Variants in SYNE1 observed in about 807,000 individuals in gnomAD.
SYNE1 encodes spectrin repeat containing nuclear envelope protein 1.
SYNE1 carries 616 observed loss-of-function variants against 1,111.0 expected under a neutral mutation model. The observed-to-expected ratio is 0.55, with a 90% CI of 0.52 to 0.59. The LOEUF (loss-of-function observed/expected upper bound fraction) is 0.59, where lower values mean the gene tolerates loss of function less well. SYNE1 is among the 20% of genes least tolerant of loss of function. The pLI, the probability that SYNE1 is intolerant of heterozygous loss-of-function variation, is 0.00. For synonymous variants in SYNE1, 3,855 were observed against 3,825.8 expected (o/e 1.01, Z -0.28); for missense variants, 10,006 against 10,417.0 (o/e 0.96, Z 1.72).
rs567073775 is a variant in SYNE1, at chr6:152,219,471, G to A, written c.21862-286C>T. ...GTTCATTACAGGACCTTGGGGAAAT[G>A]CAGAAAAACATACATAAACAAGAAA... On this transcript the variant is annotated intron_variant, in intron 119 of 145. Transcript: ENST00000367255. 5.1e-5 allele frequency among the ~76,000 whole-genome samples: 7 copies of A among 136,618 alleles called. No homozygotes were observed. In the East Asian group the frequency reaches 1.1e-3, roughly 22 times the overall value. The allele number at this position is 136,618 out of a possible 152,430, so 89.6% of individuals were successfully genotyped here.
rs572962498 is a variant in SYNE1, at chr6:152,373,483, T to C, written c.9325-264A>G. Among the ~76,000 whole-genome samples the C allele has an allele frequency of 4.6e-5, 7 of 152,274 alleles. No individual in the cohort carries two copies. The East Asian group carries it at 1.2e-3, about 25-fold the overall frequency. ...TTTTAGTAAAGACGGGGTTTCACCA[T>C]GTTGGCCAGGATGGTCTTGATCTCC... On this transcript the variant is annotated intron_variant, in intron 58 of 145. Coordinates refer to ENST00000367255, the MANE Select transcript of SYNE1 (RefSeq NM_182961.4).
At chr6:152,432,148 A>G (rs1044981543) in intron 34 of SYNE1, among the ~76,000 whole-genome samples, 1 of 152,150 alleles carries the variant, frequency 6.6e-6, no homozygotes, top group Non-Finnish European at 1.5e-5. Flanking sequence ...TGTTCTTATC[A>G]TTTATCAATT....
At chr6:152,327,746 T>A (rs1475975391) in intron 78 of SYNE1, among the ~76,000 whole-genome samples, 1 of 152,164 alleles carries the variant, frequency 6.6e-6, no homozygotes, top group Non-Finnish European at 1.5e-5. Context: ...AAGAGTTTGG[T>A]TCAAAACTCA....
intron 145 of SYNE1, 132 bp from the exon 146 acceptor site, chr6:152,122,808 C>T (rs774436127): frequency 2.1e-6 from 3 of 1,411,284 alleles, no homozygotes; most frequent in Non-Finnish European, 2.9e-6. Flanking sequence ...AGCTGCCAGC[C>T]TTCCACAGTG....
intron 106 of SYNE1, among the ~76,000 whole-genome samples, chr6:152,243,870 T>C (rs888540472): frequency 2.0e-5 from 3 of 152,180 alleles, no homozygotes; most frequent in Admixed American, 2.0e-4. Context: ...ATGCTAAATT[T>C]TGTTGGTCTA....
intron 28 of SYNE1, among the ~76,000 whole-genome samples, chr6:152,447,968 A>G (rs1051730336): frequency 2.6e-5 from 4 of 152,208 alleles, no homozygotes; most frequent in Admixed American, 2.0e-4. Context: ...TTGTTATCTC[A>G]CTTCCTTTGA....
At chr6:152,334,996 G>C (rs1005319413) in intron 76 of SYNE1, among the ~76,000 whole-genome samples, 24 of 152,206 alleles carry the variant, frequency 1.6e-4, no homozygotes, top group African/African-American at 5.8e-4. Context: ...CATTCGCAAA[G>C]TGGAAAGGCA....
chr6:152,460,449 T>G (rs1374264761), intron 21 of SYNE1, among the ~76,000 whole-genome samples: 1 of 152,220 alleles, frequency 6.6e-6, no homozygotes. Context: ...TCTTTTTCAT[T>G]AATTCCCTAC....
intron 1 of SYNE1, 113 bp from the exon 2 acceptor site, chr6:152,636,918 C>T (rs2099706796): frequency 6.6e-6 from 1 of 152,424 alleles, no homozygotes; most frequent in Non-Finnish European, 1.5e-5. Context: ...GCTGCTCAGC[C>T]GCGCTCCCCG....
chr6:152,483,224 T>A lies in SYNE1; in HGVS notation c.1211A>T (p.Asp404Val), dbSNP rs2098918738. 1 of 1,614,210 alleles carries A rather than the reference T, an allele frequency of 6.2e-7. No individual in the cohort carries two copies. ...GCCCAGAGGTGCAGGAAGAGATTTA[T>A]CAAGCTGTATATGCCAGTCAAAGAG... The part of the protein sequence containing the change: ...SRLFDWHIQL[D>V]KSLPAPLGTI... Residue 404 changes from aspartate (D) to valine (V), a missense_variant, in exon 14 of 146, where the codon GAT becomes GTT. Transcript: ENST00000367255.
chr6:152,581,661 C>G (rs925978289), intron 3 of SYNE1, among the ~76,000 whole-genome samples: 2 of 152,158 alleles, frequency 1.3e-5, no homozygotes, highest in African/African-American at 4.8e-5. Context: ...GCAAACACCT[C>G]ATCACTTTCC....
chr6:152,584,102 T>G (rs1198625772), intron 3 of SYNE1, among the ~76,000 whole-genome samples: 1 of 152,212 alleles, frequency 6.6e-6, no homozygotes, highest in Non-Finnish European at 1.5e-5. Flanking sequence ...CTTTGGCAGA[T>G]TATGACACTT....
rs780624556 is a variant in SYNE1 at position 152,413,522 on chromosome 6, C to T, written c.6060G>A (p.Val2020=). 7 of 1,613,908 alleles carry T rather than the reference C, an allele frequency of 4.3e-6. No homozygotes were observed. In the East Asian group the frequency reaches 1.6e-4, roughly 36 times the overall value. ...TCAATTCATCTTCTAGCTGATTAAA[C>T]ACTCTTAACCTGTGAATTAAAATGT... The part of the protein sequence containing the change: ...TRQALQQRLR[V]FNQLEDELNS... The change falls in exon 42 of 146, where the codon GTG becomes GTA. Residue 2020 remains valine, a synonymous_variant. Transcript: ENST00000367255.
intron 3 of SYNE1, among the ~76,000 whole-genome samples, chr6:152,619,237 A>G (rs577982660): frequency 1.2e-3 from 189 of 152,312 alleles, no homozygotes; most frequent in African/African-American, 4.5e-3. Context: ...ACCTTAAATT[A>G]TACATTCATG....
At chr6:152,143,531 C>T in intron 138 of SYNE1, 92 bp downstream of exon 138, 2 of 1,573,758 alleles carry the variant, frequency 1.3e-6, no homozygotes, top group South Asian at 1.1e-5. Flanking sequence ...TATTCAGAGA[C>T]CACATAAAGC....
chr6:152,293,989 G>A lies in SYNE1; in HGVS notation c.17821C>T (p.Gln5941Ter), dbSNP rs2094736628. 6.2e-7 allele frequency: 1 copy of A among 1,613,974 alleles called. No homozygotes were observed. The highest frequency in any genetic ancestry group is 8.5e-7 in the Non-Finnish European group (1 of 1,180,024). ...PSATAKLGDL[Q>*]RSWETLKNVI... ...TTCTTTAAGGTTTCCCAAGAACGCT[G>A]CAAATCACCCAGTTTGGCAGTAGCG... The change falls in exon 94 of 146, where the codon CAG becomes TAG. Residue 5941 changes from glutamine (Q) to a stop codon, truncating the protein, a stop_gained. Transcript: ENST00000367255. LOFTEE classifies it high-confidence loss of function.
In SYNE1 at chr6:152,520,789, C is replaced by A. The variant is rs375269190; in HGVS notation, c.226-247G>T. On this transcript the variant is annotated intron_variant, in intron 5 of 145. Coordinates refer to ENST00000367255, the MANE Select transcript of SYNE1 (RefSeq NM_182961.4). Reference sequence around the variant, plus strand: ...TCTGTTAATGCATTTGCCTTTTAGTCTTCTGTATGTCTAAGAGCAGAAATT... The same window carrying A: ...TCTGTTAATGCATTTGCCTTTTAGTATTCTGTATGTCTAAGAGCAGAAATT... Among the ~76,000 whole-genome samples the A allele has an allele frequency of 2.0e-5, 3 of 152,164 alleles. No individual in the cohort carries two copies. The East Asian group carries it at 5.8e-4, about 29-fold the overall frequency.
intron 72 of SYNE1, 121 bp downstream of exon 72, chr6:152,350,047 C>G (rs908645653): frequency 1.6e-6 from 2 of 1,280,734 alleles, no homozygotes; most frequent in African/African-American, 2.9e-5. Context: ...TCAGTACAAT[C>G]ATTATAAACC....
In SYNE1 at chr6:152,293,656, T is replaced by C; in HGVS notation, c.17944A>G (p.Ile5982Val). The change falls in exon 95 of 146, where the codon ATT becomes GTT. Residue 5982 changes from isoleucine (I) to valine (V), a missense_variant. By Grantham distance (29) the Ile-to-Val change is conservative. Around this residue, in one of 7 missense-constraint regions of SYNE1, gnomAD observed 4,955 missense variants for 5,017.2 expected, o/e 0.99. Transcript: ENST00000367255. ...LQSISTKMEA[I>V]ELKLSESPEP... Reference sequence around the variant, plus strand: ...GGGCTCTCACTGAGTTTCAGCTCAATGGCCTCCATCTTCGTAGAGATGGAC... The same window carrying C: ...GGGCTCTCACTGAGTTTCAGCTCAACGGCCTCCATCTTCGTAGAGATGGAC... 1 of 1,614,152 alleles carries C rather than the reference T, an allele frequency of 6.2e-7. No homozygotes were observed. Among genetic ancestry groups the C allele is most frequent in the Middle Eastern group, 1.7e-4 (1 of 6,042 alleles).
Sources: gnomAD v4.1 joint callset for allele counts (sites outside exome capture counted in the v4.1 genomes callset) on GRCh38, gnomAD v4.1.1 for gene constraint, gnomAD v4.1.1 regional missense constraint, MANE v1.5 for transcripts, NCBI Gene and HGNC (gene_info 2026-07-23, HGNC 2026-07-21) for gene names.